Variants in ASIC2 observed in about 807,000 individuals in gnomAD.
ASIC2 encodes the protein acid-sensing ion channel 2.
A neutral mutation model predicts 57.3 loss-of-function variants in ASIC2; 25 were observed. That is an observed-to-expected ratio of 0.44 (90% CI 0.32 to 0.61). The LOEUF (loss-of-function observed/expected upper bound fraction) is 0.61, where lower values mean the gene tolerates loss of function less well. Ranked by LOEUF, ASIC2 falls within the 20% of genes least tolerant of loss-of-function variation. The probability of loss-of-function intolerance (pLI) is 0.06; values close to 1 mark genes in which losing one functional copy is unlikely to be tolerated. For missense variants in ASIC2, 641 were observed against 738.1 expected (o/e 0.87, Z 1.52); for synonymous variants, 319 against 307.5 (o/e 1.04, Z -0.39).
intron 1 of ASIC2, among the ~76,000 whole-genome samples, chr17:33,303,984 A>C (rs1442661104): frequency 6.6e-6 from 1 of 152,246 alleles, no homozygotes; most frequent in Non-Finnish European, 1.5e-5. Context: ...AGGGTTCCCC[A>C]AGGAAATAAC....
intron 1 of ASIC2, among the ~76,000 whole-genome samples, chr17:33,241,083 G>A (rs1207361838): frequency 6.6e-6 from 1 of 152,206 alleles, no homozygotes; most frequent in Non-Finnish European, 1.5e-5. Context: ...CAGGCAGCAT[G>A]AAAGCAGCGT....
At chr17:34,107,038 T>C (rs760658837) in intron 1 of ASIC2, among the ~76,000 whole-genome samples, 2 of 152,178 alleles carry the variant, frequency 1.3e-5, no homozygotes, top group South Asian at 2.1e-4. Context: ...TACATGCAGG[T>C]GCATACATAT....
chr17:33,696,447 T>C (rs937868867), intron 1 of ASIC2, among the ~76,000 whole-genome samples: 1 of 152,198 alleles, frequency 6.6e-6, no homozygotes, highest in African/African-American at 2.4e-5. Flanking sequence ...GCTGATAAGG[T>C]TCTTTTCTTT....
At chr17:34,122,456 C>T (rs1911653809) in intron 1 of ASIC2, among the ~76,000 whole-genome samples, 1 of 152,224 alleles carries the variant, frequency 6.6e-6, no homozygotes, top group Non-Finnish European at 1.5e-5. Context: ...TGGAGACCTC[C>T]CCAGTTCCAC....
intron 1 of ASIC2, among the ~76,000 whole-genome samples, chr17:33,872,162 G>C (rs1336050051): frequency 6.6e-6 from 1 of 152,134 alleles, no homozygotes; most frequent in Admixed American, 6.5e-5. Flanking sequence ...ATAGTCTTCT[G>C]TTGCTTCCTG....
intron 1 of ASIC2, among the ~76,000 whole-genome samples, chr17:33,788,496 G>A (rs1567715721): frequency 6.6e-6 from 1 of 152,170 alleles, no homozygotes; most frequent in Non-Finnish European, 1.5e-5. Context: ...ACAGTATGGC[G>A]ATTCCTCAAG....
At chr17:33,237,414 G>A (rs1044346374) in intron 1 of ASIC2, among the ~76,000 whole-genome samples, 1 of 151,558 alleles carries the variant, frequency 6.6e-6, no homozygotes, top group Non-Finnish European at 1.5e-5. Context: ...GCAATGGCAT[G>A]ATCTCAGCTC....
chr17:33,365,406 T>C (rs573815067), intron 1 of ASIC2, among the ~76,000 whole-genome samples: 62 of 152,110 alleles, frequency 4.1e-4, no homozygotes, highest in East Asian at 1.4e-3. Context: ...TTCCCTAGTG[T>C]TTCCTGTAGA....
intron 1 of ASIC2, among the ~76,000 whole-genome samples, chr17:33,467,890 C>T (rs1178288766): frequency 6.6e-6 from 1 of 152,204 alleles, no homozygotes; most frequent in Non-Finnish European, 1.5e-5. Flanking sequence ...TCTCAGGATC[C>T]CCTGAGGGCT....
chr17:33,641,310 G>T (rs1022928525), intron 1 of ASIC2, among the ~76,000 whole-genome samples: 5 of 152,182 alleles, frequency 3.3e-5, no homozygotes, highest in Non-Finnish European at 7.3e-5. Flanking sequence ...CAAAACAGAA[G>T]AACCCACCTT....
chr17:33,026,004 C>G, intron 4 of ASIC2, 22 bp from the exon 5 acceptor site: 6 of 1,612,024 alleles, frequency 3.7e-6, no homozygotes, highest in Non-Finnish European at 5.1e-6. Flanking sequence ...AAACACCAGA[C>G]AGAGTTACTC....
chr17:34,095,305 C>T (rs550853883), intron 1 of ASIC2, among the ~76,000 whole-genome samples: 1 of 152,252 alleles, frequency 6.6e-6, no homozygotes, highest in South Asian at 2.1e-4. Flanking sequence ...TCAGTCTCTT[C>T]AGAACAAGAC....
intron 1 of ASIC2, among the ~76,000 whole-genome samples, chr17:33,820,679 T>C (rs1195561306): frequency 6.6e-6 from 1 of 152,146 alleles, no homozygotes; most frequent in Non-Finnish European, 1.5e-5. Flanking sequence ...GAAAAAATAA[T>C]TTCACTTTTT....
intron 1 of ASIC2, among the ~76,000 whole-genome samples, chr17:33,307,512 G>A (rs1906233477): frequency 6.6e-6 from 1 of 152,096 alleles, no homozygotes; most frequent in South Asian, 2.1e-4. Flanking sequence ...ATTTCACCAT[G>A]TTGGCCAGAC....
chr17:33,651,878 G>C (rs1201337451), intron 1 of ASIC2, among the ~76,000 whole-genome samples: 1 of 152,142 alleles, frequency 6.6e-6, no homozygotes, highest in Non-Finnish European at 1.5e-5. Context: ...GGAGAACACA[G>C]TCTCCCTCTC....
chr17:33,931,104 CAGA>C (rs1169927109), intron 1 of ASIC2: 1 of 152,080 alleles, frequency 6.6e-6, no homozygotes, highest in Non-Finnish European at 1.5e-5. Context: ...GGATGAGCCG[CAGA>C]AAAGAACCCC....
At chr17:33,652,678 C>T (rs1906955538) in intron 1 of ASIC2, among the ~76,000 whole-genome samples, 1 of 152,192 alleles carries the variant, frequency 6.6e-6, no homozygotes, top group Admixed American at 6.5e-5. Context: ...CCAGTCACCC[C>T]TCAACTCCGT....
chr17:33,553,591 C>A (rs1915816500), intron 1 of ASIC2, among the ~76,000 whole-genome samples: 1 of 152,078 alleles, frequency 6.6e-6, no homozygotes, highest in African/African-American at 2.4e-5. Flanking sequence ...CCACCTCAGC[C>A]TCCCCAAGTA....
chr17:33,184,544 T>C (rs1421614138), intron 1 of ASIC2, among the ~76,000 whole-genome samples: 3 of 152,166 alleles, frequency 2.0e-5, no homozygotes, highest in African/African-American at 7.2e-5. Context: ...TTTGCAAATG[T>C]GACTACTGAA....
Sources: allele counts gnomAD v4.1 joint callset (sites outside exome capture counted in the v4.1 genomes callset), GRCh38; gene constraint gnomAD v4.1.1; transcripts MANE v1.5; gene names NCBI Gene and HGNC (gene_info 2026-07-23, HGNC 2026-07-21).